CNOT8: variants seen among roughly 807,000 people sequenced by gnomAD.
CNOT8 encodes CAF1-like protein.
A neutral mutation model predicts 34.6 loss-of-function variants in CNOT8; 18 were observed. The observed-to-expected ratio is 0.52, with a 90% CI of 0.36 to 0.77. The LOEUF is 0.77. CNOT8 is among the 30% of genes least tolerant of loss of function. The pLI is 0.00. For synonymous variants in CNOT8, 101 were observed against 118.8 expected (o/e 0.85, Z 0.98); for missense variants, 189 against 347.9 (o/e 0.54, Z 3.63).
chr5:154,873,186 G>A (rs1307441842), intron 6 of CNOT8, among the ~76,000 whole-genome samples: 1 of 152,352 alleles, frequency 6.6e-6, no homozygotes, highest in Admixed American at 6.5e-5. Context: ...GATTACAGGC[G>A]TGAGCCACCA....
intron 1 of CNOT8, chr5:154,859,829 G>A (rs548965518): frequency 1.6e-4 from 25 of 152,362 alleles, no homozygotes; most frequent in African/African-American, 5.8e-4. Context: ...TGAACATACT[G>A]CACTGCAGGT....
intron 3 of CNOT8, among the ~76,000 whole-genome samples, chr5:154,866,774 A>G (rs1028784054): frequency 6.6e-6 from 1 of 152,056 alleles, no homozygotes; most frequent in Non-Finnish European, 1.5e-5. Flanking sequence ...TTAGCTGGGT[A>G]TGCTGGCAGG....
intron 4 of CNOT8, among the ~76,000 whole-genome samples, chr5:154,871,459 T>C (rs929831384): frequency 1.3e-5 from 2 of 148,912 alleles, no homozygotes; most frequent in African/African-American, 5.0e-5. Context: ...CTTGGGAGGC[T>C]GAGGCAGGGA....
chr5:154,873,312 G>T (rs775123435), intron 6 of CNOT8, among the ~76,000 whole-genome samples: 6 of 152,206 alleles, frequency 3.9e-5, no homozygotes, highest in Non-Finnish European at 7.3e-5. Context: ...GCATTCTGAC[G>T]TGAAAGCCAC....
chr5:154,871,710 T>C lies in CNOT8; in HGVS notation c.474-20T>C, dbSNP rs758393547. The C allele has an allele frequency of 1.2e-6, 2 of 1,612,066 alleles. No individual in the cohort carries two copies. Among genetic ancestry groups the C allele is most frequent in the Non-Finnish European group, 1.7e-6 (2 of 1,178,852 alleles). On this transcript the variant is annotated intron_variant, in intron 4 of 6. Coordinates refer to ENST00000285896, the MANE Select transcript of CNOT8 (RefSeq NM_001301073.2). Reference sequence around the variant, plus strand: ...TGATAACCACTGCTTTTTTAACCTCTGTGGTTTATTCTCTTGTAGTGGCTA... The same window carrying C: ...TGATAACCACTGCTTTTTTAACCTCCGTGGTTTATTCTCTTGTAGTGGCTA...
At chr5:154,859,498 T>C (rs1360359635) in intron 1 of CNOT8, 2 of 152,138 alleles carry the variant, frequency 1.3e-5, no homozygotes, top group African/African-American at 2.4e-5. Flanking sequence ...TGTTTGGAGG[T>C]AAGGGAGGGT....
chr5:154,868,796 G>A (rs1037211353), intron 3 of CNOT8, among the ~76,000 whole-genome samples: 3 of 152,188 alleles, frequency 2.0e-5, no homozygotes, highest in Non-Finnish European at 2.9e-5. Flanking sequence ...GGCTTCCTAC[G>A]CCACTTGAGT....
chr5:154,863,935 T>C (rs1394814731), intron 2 of CNOT8, among the ~76,000 whole-genome samples: 2 of 152,258 alleles, frequency 1.3e-5, no homozygotes, highest in African/African-American at 4.8e-5. Context: ...GAATTCCAGA[T>C]TTCTGGCATC....
intron 3 of CNOT8, among the ~76,000 whole-genome samples, chr5:154,865,933 G>GTTTTTTTTTT (rs1761822908): frequency 6.6e-6 from 1 of 152,150 alleles, no homozygotes; most frequent in African/African-American, 2.4e-5. Flanking sequence ...ATAGACACGT[G>GTTTTTTTTTT]GGTTTTTTCT....
At chr5:154,873,543 T>A (rs899760512) in intron 6 of CNOT8, among the ~76,000 whole-genome samples, 6 of 152,236 alleles carry the variant, frequency 3.9e-5, no homozygotes, top group African/African-American at 1.4e-4. Flanking sequence ...TCTTAATTTC[T>A]TCTTTTAGTT....
In CNOT8 at chr5:154,875,551, A is replaced by T. The variant is rs1034727717; in HGVS notation, c.*112A>T. ...TTCTTTTGAGCACACTGTACCTACC[A>T]TCTGCATTGAGCAGAAAGACTTTTG... On this transcript the variant is annotated 3_prime_UTR_variant, in exon 7 of 7. Transcript: ENST00000285896. The T allele has an allele frequency of 1.0e-5, 12 of 1,148,264 alleles. No individual in the cohort carries two copies. The highest frequency in any genetic ancestry group is 1.3e-5 in the Non-Finnish European group (11 of 829,102). The allele number at this position is 1,148,264 out of a possible 1,614,324, so 71.1% of individuals were successfully genotyped here.
rs144782621 is a variant in CNOT8, at chr5:154,869,860, T to C, written c.312-801T>C. Reference sequence around the variant, plus strand: ...GGATGGTCTTGATCTCTTGACCTCGTGATCCGCCCACCTTGGCCTCCCAAA... The same window carrying C: ...GGATGGTCTTGATCTCTTGACCTCGCGATCCGCCCACCTTGGCCTCCCAAA... On this transcript the variant is annotated intron_variant, in intron 3 of 6. Coordinates refer to ENST00000285896, the MANE Select transcript of CNOT8 (RefSeq NM_001301073.2). 8.0e-3 allele frequency among the ~76,000 whole-genome samples: 1,214 copies of C among 152,162 alleles called. 11 individuals carry two copies. The highest frequency in any genetic ancestry group is 0.028 in the African/African-American group (1,175 of 41,498).
intron 2 of CNOT8, 49 bp from the exon 3 acceptor site, chr5:154,865,143 A>C (rs1368025497): frequency 7.3e-7 from 1 of 1,376,220 alleles, no homozygotes; most frequent in African/African-American, 1.5e-5. Context: ...CCAATTCAGC[A>C]TCCACTGTTT....
rs1303593241 is a variant in CNOT8 at position 154,875,482 on chromosome 5, C to T, written c.*43C>T. On this transcript the variant is annotated 3_prime_UTR_variant, in exon 7 of 7. Transcript: ENST00000285896. ...GGGTGGGCCTGATCCCAGAGTGGTG[C>T]TTACTGTGCTGACTGTGTACTTATC... The T allele has an allele frequency of 1.2e-6, 2 of 1,603,864 alleles. No individual in the cohort carries two copies. The highest frequency in any genetic ancestry group is 4.5e-5 in the East Asian group (2 of 44,830).
intron 1 of CNOT8, 161 bp downstream of exon 1, chr5:154,858,929 C>G (rs768610446): frequency 2.6e-5 from 4 of 151,970 alleles, no homozygotes; most frequent in Non-Finnish European, 4.4e-5. Flanking sequence ...TAATGGCCAC[C>G]GTCACACGAT....
chr5:154,864,014 G>C (rs930733093), intron 2 of CNOT8, among the ~76,000 whole-genome samples: 2 of 152,006 alleles, frequency 1.3e-5, no homozygotes, highest in African/African-American at 4.8e-5. Context: ...TGGCTGGAGA[G>C]AGAGATGAGT....
intron 6 of CNOT8, among the ~76,000 whole-genome samples, chr5:154,873,418 C>A (rs187891324): frequency 7.9e-5 from 12 of 152,096 alleles, no homozygotes; most frequent in Non-Finnish European, 1.6e-4. Context: ...TTTTCTGATT[C>A]CTGTAATAGA....
rs111459058 is a variant in CNOT8, at chr5:154,872,832, G to A, written c.729+181G>A. Among the ~76,000 whole-genome samples the A allele has an allele frequency of 6.8e-3, 1,039 of 152,188 alleles. 9 individuals are homozygous for A. Among genetic ancestry groups the A allele is most frequent in the African/African-American group, 0.024 (977 of 41,516 alleles). ...CACCCAGGCTGGAGTGCAGTGGTGC[G>A]ATCTCAGCTCACTGCAACCTCCGCC... is the stretch of plus-strand genomic sequence containing the variant. On this transcript the variant is annotated intron_variant, in intron 6 of 6. Transcript: ENST00000285896.
chr5:154,875,291 T>A lies in CNOT8; in HGVS notation c.731T>A (p.Leu244Ter). Residue 244 changes from leucine to a stop codon, truncating the protein, a stop_gained and splice_region_variant, in exon 7 of 7, where the codon TTG becomes TAG. Transcript: ENST00000285896. LOFTEE classifies it high-confidence loss of function. ...TGMAFFRMKE[L>*]FFEDSIDDAK... Reference sequence around the variant, plus strand: ...ATGGTTCTCTGTCCCATTCTGCAGTTGTTTTTTGAGGACAGCATTGATGAT... The same window carrying A: ...ATGGTTCTCTGTCCCATTCTGCAGTAGTTTTTTGAGGACAGCATTGATGAT... The A allele has an allele frequency of 1.2e-6, 2 of 1,614,018 alleles. No individual in the cohort carries two copies. Among genetic ancestry groups the A allele is most frequent in the Non-Finnish European group, 8.5e-7 (1 of 1,179,968 alleles).
Sources: gnomAD v4.1 joint callset for allele counts (sites outside exome capture counted in the v4.1 genomes callset) on GRCh38, gnomAD v4.1.1 for gene constraint, MANE v1.5 for transcripts, NCBI Gene and HGNC (gene_info 2026-07-23, HGNC 2026-07-21) for gene names.